Variants in LRP5 observed in about 807,000 individuals in gnomAD.
LRP5 encodes the protein LDL receptor related protein 5.
In LRP5, 62 loss-of-function variants were observed where a neutral mutation model predicts 154.1. The observed-to-expected ratio is 0.40, with a 90% CI of 0.33 to 0.50. LRP5 has a LOEUF of 0.50. Ranked by LOEUF, LRP5 falls within the 20% of genes least tolerant of loss-of-function variation. The pLI is 0.55. For missense variants in LRP5, 1,915 were observed against 2,336.7 expected, an observed-to-expected ratio of 0.82 and a Z score of 3.72; for synonymous variants, 966 against 1,011.5, an observed-to-expected ratio of 0.96 and a Z score of 0.85.
chr11:68,406,658 T>C lies in LRP5; in HGVS notation c.1936T>C (p.Phe646Leu). The change falls in exon 9 of 23, where the codon TTC becomes CTC. Residue 646 changes from phenylalanine (F) to leucine (L), a missense_variant. This residue lies in a region of LRP5 where 773 missense variants were observed against 1,100.9 expected (regional missense o/e 0.70). Transcript: ENST00000294304. ...DMKTCIVPEA[F>L]LVFTSRAAIH... ...GAAGACCTGCATCGTGCCTGAGGCC[T>C]TCTTGGTCTTCACCAGCAGAGCCGC... 6.2e-7 allele frequency: 1 copy of C among 1,614,166 alleles called. No homozygotes were observed. The highest frequency in any genetic ancestry group is 8.5e-7 in the Non-Finnish European group (1 of 1,180,044).
At position 68,433,847 on chromosome 11, in the gene LRP5, C is replaced by T. The variant is rs148685646; in HGVS notation, c.4000+9C>T. ...CGAGGCGGACTGTGACGGTGAGGCCCTCCCCGTCAAGGCTCTGCCAAGACC... is the reference window on the plus strand; with the variant it reads ...CGAGGCGGACTGTGACGGTGAGGCCTTCCCCGTCAAGGCTCTGCCAAGACC... On this transcript the variant is annotated intron_variant, in intron 18 of 22. Transcript: ENST00000294304. 4.9e-3 allele frequency: 7,890 copies of T among 1,610,128 alleles called. 34 individuals are homozygous for T. The highest frequency in any genetic ancestry group is 0.019 in the Middle Eastern group (115 of 5,952).
At chr11:68,396,142 C>T (rs1279495455) in intron 7 of LRP5, among the ~76,000 whole-genome samples, 1 of 151,952 alleles carries the variant, frequency 6.6e-6, no homozygotes, top group Non-Finnish European at 1.5e-5. Context: ...AGCTGAGGTG[C>T]AAGGAGCCAC....
chr11:68,444,564 GCCCCCAC>G (rs577155048), intron 21 of LRP5, among the ~76,000 whole-genome samples: 2 of 16,332 alleles, frequency 1.2e-4, no homozygotes, highest in Admixed American at 5.2e-4. Context: ...GGCCTCCCCA[GCCCCCAC>G]CCCCCACCCC....
Position 68,353,414 on chromosome 11 carries a change from C to T in LRP5, c.489-4236C>T, listed in dbSNP as rs2098620400. The stretch of plus-strand genomic sequence containing the variant: ...TCCTACCCTGAGGTGCTGACTCTGT[C>T]CCTGTAGGCTCCATGTCTCCGGAGA... On this transcript the variant is annotated intron_variant, in intron 2 of 22. Transcript: ENST00000294304. This position sits in a 1 kb window ranked among gnomAD's most constrained non-coding sequence, Gnocchi z 4.5. 6.6e-6 allele frequency among the ~76,000 whole-genome samples: 1 copy of T among 152,172 alleles called. No homozygotes were observed. The highest frequency in any genetic ancestry group is 2.4e-5 in the African/African-American group (1 of 41,402).
intron 1 of LRP5, among the ~76,000 whole-genome samples, chr11:68,336,501 T>TG (rs2098605788): frequency 6.6e-6 from 1 of 152,196 alleles, no homozygotes; most frequent in African/African-American, 2.4e-5. Flanking sequence ...AGAGTTTTGC[T>TG]TTTGTCACCC....
In LRP5 at chr11:68,357,857, C is replaced by A; in HGVS notation, c.686+10C>A. On this transcript the variant is annotated intron_variant, in intron 3 of 22. Coordinates refer to ENST00000294304, the MANE Select transcript of LRP5 (RefSeq NM_002335.4). ...TGGACGGCTCGTTCCGGTAGGTACC[C>A]ACGCAGTCCTGGGGCACCCCTTTCC... is the stretch of plus-strand genomic sequence containing the variant. 6.2e-7 allele frequency: 1 copy of A among 1,606,638 alleles called. No individual in the cohort carries two copies. The highest frequency in any genetic ancestry group is 8.5e-7 in the Non-Finnish European group (1 of 1,176,982).
intron 7 of LRP5, among the ~76,000 whole-genome samples, chr11:68,396,578 T>C (rs571448186): frequency 2.0e-4 from 30 of 152,298 alleles, no homozygotes; most frequent in African/African-American, 6.5e-4. Flanking sequence ...TGAGGTTTCA[T>C]GTAGATGGCA....
At chr11:68,379,642 T>C (rs1470980788) in intron 5 of LRP5, among the ~76,000 whole-genome samples, 1 of 152,260 alleles carries the variant, frequency 6.6e-6, no homozygotes, top group African/African-American at 2.4e-5. Flanking sequence ...TTGCTAGGGT[T>C]TTGGTGTTGT....
chr11:68,341,338 C>T (rs1309175136), intron 1 of LRP5, among the ~76,000 whole-genome samples: 1 of 151,982 alleles, frequency 6.6e-6, no homozygotes, highest in Non-Finnish European at 1.5e-5. Flanking sequence ...CAGCCCTCAG[C>T]CTGTCCATCC....
chr11:68,414,164 T>C (rs2098661230), intron 12 of LRP5, 152 bp downstream of exon 12: 4 of 780,208 alleles, frequency 5.1e-6, no homozygotes, highest in Non-Finnish European at 8.7e-6. Flanking sequence ...TGATGCTACC[T>C]GGGGGTCCAG....
intron 1 of LRP5, among the ~76,000 whole-genome samples, chr11:68,335,677 C>T (rs887229715): frequency 6.6e-6 from 1 of 152,180 alleles, no homozygotes; most frequent in African/African-American, 2.4e-5. Context: ...CTCTGTAAGG[C>T]GTGGGGCAGC....
intron 2 of LRP5, among the ~76,000 whole-genome samples, chr11:68,350,672 G>A (rs2098617595): frequency 6.6e-6 from 1 of 152,266 alleles, no homozygotes; most frequent in Non-Finnish European, 1.5e-5. Flanking sequence ...GGTGTGGGGT[G>A]AGGGTCTGTC....
At chr11:68,371,766 G>A (rs773798032) in intron 5 of LRP5, among the ~76,000 whole-genome samples, 5 of 152,262 alleles carry the variant, frequency 3.3e-5, no homozygotes, top group African/African-American at 7.2e-5. Flanking sequence ...CTGACAGCAC[G>A]GCTGTGAGGT....
chr11:68,424,734 C>T lies in LRP5; in HGVS notation c.3237-368C>T, dbSNP rs368064422. On this transcript the variant is annotated intron_variant, in intron 14 of 22. Transcript: ENST00000294304. ...GGGAACCTTTGGGCTTCTGGTGGCTCCAGGCACCCCTTGACTTGTGGTCCT... is the reference window on the plus strand; with the variant it reads ...GGGAACCTTTGGGCTTCTGGTGGCTTCAGGCACCCCTTGACTTGTGGTCCT... 1.3e-4 allele frequency among the ~76,000 whole-genome samples: 20 copies of T among 152,310 alleles called. No individual in the cohort carries two copies. In the South Asian group the frequency reaches 3.5e-3, roughly 27 times the overall value.
At chr11:68,364,248 C>T (rs1252464989) in intron 4 of LRP5, among the ~76,000 whole-genome samples, 1 of 151,502 alleles carries the variant, frequency 6.6e-6, no homozygotes, top group African/African-American at 2.4e-5. Flanking sequence ...GGAAGGTTGC[C>T]TCGTTTTCAA....
chr11:68,404,272 G>A, intron 8 of LRP5: 2 of 528,880 alleles, frequency 3.8e-6, no homozygotes, highest in East Asian at 8.0e-5. Context: ...GCAGGGACAG[G>A]CCTGGGGCTC....
chr11:68,403,516 C>T lies in LRP5; in HGVS notation c.1618C>T (p.Leu540Phe), dbSNP rs1591284438. The change falls in exon 8 of 23, where the codon CTC (leucine) becomes TTC (phenylalanine). Residue 540 changes from leucine to phenylalanine, a missense_variant. Around this residue, in one of 3 missense-constraint regions of LRP5, gnomAD observed 773 missense variants for 1,100.9 expected, o/e 0.70. Transcript: ENST00000294304. ...TGTTGATGGGACGAAGAGGCGGACCCTCCTGGAGGACAAGCTCCCGCACAT... is the reference window on the plus strand; with the variant it reads ...TGTTGATGGGACGAAGAGGCGGACCTTCCTGGAGGACAAGCTCCCGCACAT... ...INVDGTKRRT[L>F]LEDKLPHIFG... is the part of the protein sequence containing the mutation. 1 of 1,614,178 alleles carries T rather than the reference C, an allele frequency of 6.2e-7. No individual in the cohort carries two copies. The highest frequency in any genetic ancestry group is 8.5e-7 in the Non-Finnish European group (1 of 1,180,038).
At chr11:68,429,538 G>A in intron 16 of LRP5, 37 bp from the exon 17 acceptor site, 3 of 1,613,290 alleles carry the variant, frequency 1.9e-6, no homozygotes, top group Non-Finnish European at 2.5e-6. Flanking sequence ...GTGGGAGACA[G>A]AGCCTGACCT....
Position 68,449,139 on chromosome 11 carries a change from T to A in LRP5, c.*69T>A. The A allele has an allele frequency of 7.7e-7, 1 of 1,295,848 alleles. No homozygotes were observed. The highest frequency in any genetic ancestry group is 2.5e-5 in the Admixed American group (1 of 39,740). 80.3% of individuals were successfully genotyped at this position (1,295,848 alleles called of 1,614,324 possible). On this transcript the variant is annotated 3_prime_UTR_variant, in exon 23 of 23. Transcript: ENST00000294304. ...TTTTAAATATGAACAAAGAAAAAAA[T>A]ATATTTTATGATTTAAAAAATAAAT...
Sources: allele counts gnomAD v4.1 joint callset (sites outside exome capture counted in the v4.1 genomes callset), GRCh38; gene constraint gnomAD v4.1.1; regional missense constraint gnomAD v4.1.1; non-coding constraint Gnocchi (gnomAD v3.1); transcripts MANE v1.5; gene names NCBI Gene and HGNC (gene_info 2026-07-23, HGNC 2026-07-21).